CLEC2A: variants seen among roughly 807,000 people sequenced by gnomAD.
CLEC2A encodes keratinocyte-associated C-type lectin.
Under a neutral mutation model 18.6 loss-of-function variants are expected in CLEC2A, and 19 were observed. The ratio of observed to expected loss-of-function variants is 1.02; its 90% CI spans 0.71 to 1.50. The LOEUF (loss-of-function observed/expected upper bound fraction) is 1.50. Ranked by LOEUF, CLEC2A falls within the 40% of genes most tolerant of loss-of-function variation. The pLI is 0.00. For synonymous variants in CLEC2A, 74 were observed against 64.0 expected (o/e 1.16, Z -0.75); for missense variants, 190 against 207.9 (o/e 0.91, Z 0.53).
At chr12:9,899,076 T>C (rs1862790900) in intron 4 of CLEC2A, 1 of 637,614 alleles carries the variant, frequency 1.6e-6, no homozygotes, top group Non-Finnish European at 2.9e-6. Context: ...TCCAAGGCCT[T>C]TTATCAGTTT....
downstream of CLEC2A, among the ~76,000 whole-genome samples, chr12:9,896,390 T>A (rs973984663): frequency 7.9e-5 from 12 of 152,132 alleles, no homozygotes; most frequent in Non-Finnish European, 1.3e-4. Context: ...GTAACAAAAT[T>A]ATGCTTGTAC....
intron 3 of CLEC2A, among the ~76,000 whole-genome samples, chr12:9,919,729 C>A (rs1336333854): frequency 6.6e-6 from 1 of 152,162 alleles, no homozygotes; most frequent in Non-Finnish European, 1.5e-5. Flanking sequence ...TCTCCAGTCC[C>A]TATTTACCTC....
At chr12:9,899,595 C>T (rs1476911720) in intron 4 of CLEC2A, among the ~76,000 whole-genome samples, 1 of 152,176 alleles carries the variant, frequency 6.6e-6, no homozygotes, top group Non-Finnish European at 1.5e-5. Flanking sequence ...CTTTGCATCC[C>T]TGAGTCCCGG....
the CLEC2A span, among the ~76,000 whole-genome samples, chr12:9,878,133 C>G: frequency 2.0e-5 from 3 of 152,010 alleles, no homozygotes; most frequent in African/African-American, 4.8e-5. Flanking sequence ...AAAAAATGCC[C>G]ATTTAAGATT....
At chr12:9,892,390 T>C in the CLEC2A span, among the ~76,000 whole-genome samples, 1 of 152,050 alleles carries the variant, frequency 6.6e-6, no homozygotes, top group Non-Finnish European at 1.5e-5. Flanking sequence ...AACCAGATAG[T>C]GGAGGAAATT....
chr12:9,881,665 G>C, the CLEC2A span: 2 of 1,532,846 alleles, frequency 1.3e-6, no homozygotes, highest in Non-Finnish European at 1.7e-6. Flanking sequence ...GAAATCTAAA[G>C]GTAGGAATAC....
downstream of CLEC2A, chr12:9,895,646 C>G: frequency 1.4e-6 from 2 of 1,473,458 alleles, no homozygotes; most frequent in South Asian, 1.3e-5. Flanking sequence ...ATACTATTAT[C>G]ATTTTAAGAT....
At chr12:9,889,227 TATA>T in the CLEC2A span, among the ~76,000 whole-genome samples, 880 of 152,328 alleles carry the variant, frequency 5.8e-3, 4 homozygotes, top group Non-Finnish European at 0.01. Flanking sequence ...ATGAGGATAT[TATA>T]ATAATAACTG....
chr12:9,925,153 G>A (rs1332439758), intron 2 of CLEC2A, among the ~76,000 whole-genome samples: 1 of 152,164 alleles, frequency 6.6e-6, no homozygotes, highest in Admixed American at 6.5e-5. Context: ...TAAGGAAGAC[G>A]TGCATGTCAC....
the CLEC2A span, among the ~76,000 whole-genome samples, chr12:9,878,093 T>C: frequency 5.3e-5 from 8 of 150,136 alleles, no homozygotes; most frequent in Admixed American, 2.0e-4. Context: ...ACATCCAGCC[T>C]GGGTAACAGA....
the CLEC2A span, chr12:9,893,655 A>T: frequency 2.3e-6 from 1 of 432,650 alleles, no homozygotes; most frequent in Non-Finnish European, 4.0e-6. Context: ...TTATCTTTAC[A>T]TTTTTTTCTA....
intron 3 of CLEC2A, among the ~76,000 whole-genome samples, chr12:9,921,010 T>C (rs1429618548): frequency 1.3e-5 from 2 of 152,212 alleles, no homozygotes; most frequent in African/African-American, 4.8e-5. Flanking sequence ...GGACATGGCA[T>C]CACTAGTCAT....
the CLEC2A span, among the ~76,000 whole-genome samples, chr12:9,886,133 CAT>C: frequency 1.3e-5 from 2 of 152,064 alleles, no homozygotes; most frequent in Admixed American, 1.3e-4. Flanking sequence ...TGAAATTTGA[CAT>C]GTTGATGAAT....
exon 5 of CLEC2A, chr12:9,898,859 G>T: frequency 1.4e-6 from 1 of 705,258 alleles, no homozygotes. Context: ...CTGCTGACAG[G>T]GGACATTGTT....
At chr12:9,887,724 G>GTT in the CLEC2A span, among the ~76,000 whole-genome samples, 2,681 of 133,498 alleles carry the variant, frequency 0.02, 40 homozygotes, top group Middle Eastern at 0.042. Context: ...GGTCAAAAGA[G>GTT]TTTTTTTTTT....
intron 2 of CLEC2A, among the ~76,000 whole-genome samples, chr12:9,923,863 G>T (rs1235386273): frequency 6.6e-6 from 1 of 152,058 alleles, no homozygotes; most frequent in African/African-American, 2.4e-5. Flanking sequence ...TCACTCATAG[G>T]TGGGAATTGA....
intron 1 of CLEC2A, among the ~76,000 whole-genome samples, chr12:9,928,621 G>A (rs191563144): frequency 6.6e-5 from 10 of 152,126 alleles, no homozygotes; most frequent in African/African-American, 9.6e-5. Flanking sequence ...GACTGGTATC[G>A]AAAATACTAA....
intron 4 of CLEC2A, among the ~76,000 whole-genome samples, chr12:9,902,624 C>T (rs796524865): frequency 4.7e-4 from 70 of 149,714 alleles, no homozygotes; most frequent in African/African-American, 1.6e-3. Context: ...TTCTTTCGCT[C>T]TTTGCAATAA....
chr12:9,919,793 A>G (rs1863134612), intron 3 of CLEC2A, among the ~76,000 whole-genome samples: 1 of 152,214 alleles, frequency 6.6e-6, no homozygotes, highest in Admixed American at 6.5e-5. Flanking sequence ...ACAGCAAAGA[A>G]GGTGGCCTGC....
Sources: gnomAD v4.1 joint callset for allele counts (sites outside exome capture counted in the v4.1 genomes callset) on GRCh38, gnomAD v4.1.1 for gene constraint, MANE v1.5 for transcripts, NCBI Gene and HGNC (gene_info 2026-07-23, HGNC 2026-07-21) for gene names.